COX10: variants seen among roughly 807,000 people sequenced by gnomAD.
COX10 encodes cytochrome c oxidase assembly factor heme A:farnesyltransferase COX10, also known as protoheme IX farnesyltransferase, mitochondrial.
Under a neutral mutation model 37.3 loss-of-function variants are expected in COX10, and 27 were observed. The ratio of observed to expected loss-of-function variants is 0.72; its 90% confidence interval spans 0.53 to 1.00. The LOEUF is 1.00. COX10 is among the 50% of genes least tolerant of loss of function. The pLI, the probability that COX10 is intolerant of heterozygous loss-of-function variation, is 0.00. For missense variants in COX10, 475 were observed against 563.2 expected (o/e 0.84, Z 1.59); for synonymous variants, 222 against 229.1 (o/e 0.97, Z 0.28).
chr17:14,101,630 A>G (rs1211645933), intron 3 of COX10, among the ~76,000 whole-genome samples: 3 of 152,174 alleles, frequency 2.0e-5, no homozygotes, highest in African/African-American at 7.2e-5. Flanking sequence ...CGCTGGGACC[A>G]TCATCTCTTA....
At chr17:14,142,299 T>G (rs996461760) in intron 4 of COX10, among the ~76,000 whole-genome samples, 1 of 152,214 alleles carries the variant, frequency 6.6e-6, no homozygotes, top group African/African-American at 2.4e-5. Flanking sequence ...AAATCATATG[T>G]ATTTCTGGAT....
chr17:14,169,083 G>A (rs1241797253), intron 5 of COX10, among the ~76,000 whole-genome samples: 3 of 152,060 alleles, frequency 2.0e-5, no homozygotes, highest in Non-Finnish European at 4.4e-5. Flanking sequence ...TGCATATGAC[G>A]GTACACCTTC....
intron 5 of COX10, among the ~76,000 whole-genome samples, chr17:14,169,442 G>T (rs1218129499): frequency 6.6e-6 from 1 of 152,084 alleles, no homozygotes; most frequent in Admixed American, 6.5e-5. Flanking sequence ...CTCCAAAGTT[G>T]CTTCCACATT....
chr17:14,123,127 G>A (rs1465239896), intron 4 of COX10, among the ~76,000 whole-genome samples: 2 of 152,154 alleles, frequency 1.3e-5, no homozygotes, highest in African/African-American at 4.8e-5. Flanking sequence ...GTTCTCTGAG[G>A]TATATGGAAC....
chr17:14,163,233 G>GA (rs1905203833), intron 5 of COX10, among the ~76,000 whole-genome samples: 1 of 104,728 alleles, frequency 9.5e-6, no homozygotes, highest in South Asian at 3.7e-4. Flanking sequence ...CATAAGACAG[G>GA]AAAATTTATT....
intron 6 of COX10, among the ~76,000 whole-genome samples, chr17:14,195,915 A>G (rs983890683): frequency 4.6e-5 from 7 of 152,166 alleles, no homozygotes; most frequent in South Asian, 2.1e-4. Flanking sequence ...ATACCTGGAG[A>G]TTAGGACATA....
intron 5 of COX10, among the ~76,000 whole-genome samples, chr17:14,177,470 TA>T (rs1216355272): frequency 8.2e-6 from 1 of 121,364 alleles, no homozygotes; most frequent in East Asian, 2.3e-4. Context: ...AATTATTAGC[TA>T]TTTTGACCAT....
intron 5 of COX10, among the ~76,000 whole-genome samples, chr17:14,162,374 CA>C (rs1170406464): frequency 6.6e-6 from 1 of 152,018 alleles, no homozygotes; most frequent in African/African-American, 2.4e-5. Context: ...TATTTGCCTT[CA>C]AAAAAATGCC....
chr17:14,154,782 T>A, intron 4 of COX10, among the ~76,000 whole-genome samples: 1 of 152,210 alleles, frequency 6.6e-6, no homozygotes, highest in Non-Finnish European at 1.5e-5. Flanking sequence ...CATTTGCCGC[T>A]GAGGAAACTA....
At chr17:14,133,040 C>A (rs1916501352) in intron 4 of COX10, among the ~76,000 whole-genome samples, 1 of 151,606 alleles carries the variant, frequency 6.6e-6, no homozygotes, top group Non-Finnish European at 1.5e-5. Flanking sequence ...GTAACACTTA[C>A]AGCTTGTTTA....
At chr17:14,069,919 C>A (rs940388753) in intron 1 of COX10, among the ~76,000 whole-genome samples, 3 of 152,132 alleles carry the variant, frequency 2.0e-5, no homozygotes, top group African/African-American at 7.2e-5. Context: ...TTTAGGTTTT[C>A]AGATAGTGGA....
intron 3 of COX10, among the ~76,000 whole-genome samples, chr17:14,087,703 A>C (rs1290058799): frequency 6.6e-6 from 1 of 150,770 alleles, no homozygotes; most frequent in Non-Finnish European, 1.5e-5. Context: ...TTTTTTTTTA[A>C]ACCATGTCTC....
At chr17:14,079,850 A>G (rs1375767669) in intron 3 of COX10, among the ~76,000 whole-genome samples, 1 of 28,982 alleles carries the variant, frequency 3.5e-5, no homozygotes, top group East Asian at 8.8e-4. Flanking sequence ...TTTTATATAT[A>G]TATATATATG....
intron 3 of COX10, among the ~76,000 whole-genome samples, chr17:14,078,598 C>G (rs1435875533): frequency 6.6e-6 from 1 of 152,178 alleles, no homozygotes; most frequent in East Asian, 1.9e-4. Flanking sequence ...AGCTGCCATC[C>G]TAGTTTACAT....
chr17:14,168,179 CA>C (rs1336333661), intron 5 of COX10, among the ~76,000 whole-genome samples: 1 of 152,208 alleles, frequency 6.6e-6, no homozygotes, highest in Non-Finnish European at 1.5e-5. Context: ...GTCCGAAACC[CA>C]AAAGGGCCAT....
intron 3 of COX10, among the ~76,000 whole-genome samples, chr17:14,078,877 C>G (rs1915217034): frequency 6.6e-6 from 1 of 152,138 alleles, no homozygotes; most frequent in Non-Finnish European, 1.5e-5. Flanking sequence ...CCCTGTCCCT[C>G]CACCCTACCA....
intron 4 of COX10, among the ~76,000 whole-genome samples, chr17:14,124,444 C>A (rs953191726): frequency 3.9e-5 from 6 of 152,106 alleles, no homozygotes; most frequent in Admixed American, 6.6e-5. Flanking sequence ...TTCTCTAGGA[C>A]AACTCAGAGT....
chr17:14,158,067 A>G (rs997673575), intron 4 of COX10, among the ~76,000 whole-genome samples: 1 of 152,112 alleles, frequency 6.6e-6, no homozygotes, highest in Admixed American at 6.6e-5. Flanking sequence ...CCCAAGTGTG[A>G]GGGACTAGGG....
At chr17:14,179,322 T>G in intron 5 of COX10, 2 of 466,534 alleles carry the variant, frequency 4.3e-6, no homozygotes, top group Non-Finnish European at 5.6e-6. Context: ...TTTTTGCTGG[T>G]CTATCCTAAT....
Sources: allele counts gnomAD v4.1 joint callset (sites outside exome capture counted in the v4.1 genomes callset), GRCh38; gene constraint gnomAD v4.1.1; transcripts MANE v1.5; gene names NCBI Gene and HGNC (gene_info 2026-07-23, HGNC 2026-07-21).